The following TM7SF3 variants were observed in gnomAD, a reference collection of about 807,000 sequenced individuals.
TM7SF3 encodes transmembrane 7 superfamily member 3.
A neutral mutation model predicts 65.5 loss-of-function variants in TM7SF3; 60 were observed. The observed-to-expected ratio is 0.92, with a 90% CI of 0.74 to 1.14. The LOEUF (loss-of-function observed/expected upper bound fraction) is 1.14, where lower values mean the gene tolerates loss of function less well. Among genes scored for constraint, TM7SF3 ranks in the 50% most tolerant of loss-of-function variants. The pLI is 0.00. For missense variants in TM7SF3, 623 were observed against 684.8 expected (o/e 0.91, Z 1.01); for synonymous variants, 264 against 259.6 (o/e 1.02, Z -0.16).
At chr12:26,978,450 A>G (rs1480409199) in intron 9 of TM7SF3, 1 of 152,378 alleles carries the variant, frequency 6.6e-6, no homozygotes, top group African/African-American at 2.4e-5. Context: ...TCCTGACTTT[A>G]TAATTTATGC....
chr12:27,000,896 C>T (rs933245857), intron 2 of TM7SF3, among the ~76,000 whole-genome samples: 2 of 152,016 alleles, frequency 1.3e-5, no homozygotes, highest in Non-Finnish European at 2.9e-5. Context: ...TCTCTACCAT[C>T]CCCCACTCCC....
At chr12:26,984,704 C>T (rs1165456656) in intron 6 of TM7SF3, among the ~76,000 whole-genome samples, 1 of 151,968 alleles carries the variant, frequency 6.6e-6, no homozygotes, top group Non-Finnish European at 1.5e-5. Context: ...AACTAAATCC[C>T]CTATCACAAT....
chr12:26,995,360 C>T lies in TM7SF3; in HGVS notation c.567G>A (p.Arg189=), dbSNP rs767330020. 4.3e-6 allele frequency: 7 copies of T among 1,614,078 alleles called. No individual in the cohort carries two copies. The highest frequency in any genetic ancestry group is 1.3e-5 in the African/African-American group (1 of 74,916). ...GATAGACATCATACTGCAACCTCCA[C>T]CTGGAGTCCTGGTCTGTCCCAGCGT... is the stretch of plus-strand genomic sequence containing the variant. ...PCDAGTDQDS[R]WRLQYDVYQY... The change falls in exon 5 of 12, where the codon AGG becomes AGA. Residue 189 remains arginine (R), a synonymous_variant. Coordinates refer to ENST00000343028, the MANE Select transcript of TM7SF3 (RefSeq NM_016551.3).
At chr12:26,974,268 T>C in intron 11 of TM7SF3, 41 bp from the exon 12 acceptor site, 1 of 1,581,112 alleles carries the variant, frequency 6.3e-7, no homozygotes, top group Non-Finnish European at 8.6e-7. Context: ...ACTCTAGTAT[T>C]TTAAAATCTA....
At chr12:26,986,788 C>T (rs1421845655) in intron 6 of TM7SF3, among the ~76,000 whole-genome samples, 3 of 152,328 alleles carry the variant, frequency 2.0e-5, no homozygotes, top group Non-Finnish European at 2.9e-5. Context: ...CCCACCTCTC[C>T]ACTGCAACAG....
At chr12:26,980,268 A>G (rs1440650805) in intron 8 of TM7SF3, 11 of 525,576 alleles carry the variant, frequency 2.1e-5, no homozygotes, top group Non-Finnish European at 3.7e-5. Flanking sequence ...AGAAAACCTC[A>G]ACATTTTGCT....
intron 8 of TM7SF3, chr12:26,980,292 A>T: frequency 1.9e-6 from 1 of 530,438 alleles, no homozygotes; most frequent in Admixed American, 3.6e-5. Flanking sequence ...TGTACATCTC[A>T]TATCTTCAAC....
intron 1 of TM7SF3, among the ~76,000 whole-genome samples, chr12:27,010,836 T>C (rs1941218162): frequency 1.3e-5 from 2 of 152,238 alleles, no homozygotes; most frequent in Non-Finnish European, 2.9e-5. Flanking sequence ...ACTTTTTCTT[T>C]CCAATAATTC....
chr12:27,014,300 G>T lies in TM7SF3; in HGVS notation c.-132C>A. The stretch of plus-strand genomic sequence containing the variant: ...GCGCCATCGCCCGCCAGGTGCAGAC[G>T]CTTCGCACCTGCCAGCTCCGCAGCC... On this transcript the variant is annotated 5_prime_UTR_variant, in exon 1 of 12. Coordinates refer to ENST00000343028, the MANE Select transcript of TM7SF3 (RefSeq NM_016551.3). The T allele has an allele frequency of 1.6e-6, 1 of 644,494 alleles. No homozygotes were observed. The highest frequency in any genetic ancestry group is 2.4e-6 in the Non-Finnish European group (1 of 423,358). 39.9% of individuals were successfully genotyped at this position (644,494 alleles called of 1,614,324 possible). A position where few individuals can be genotyped will look rare whatever the true frequency, so the allele number is the denominator to read the frequency against.
At chr12:26,975,724 C>T (rs1367276279) in intron 10 of TM7SF3, 66 bp from the exon 11 acceptor site, 1 of 1,529,732 alleles carries the variant, frequency 6.5e-7, no homozygotes, top group Non-Finnish European at 8.9e-7. Context: ...TAACTCTCCA[C>T]TGGCTTCAAT....
At chr12:26,976,384 TA>T (rs1466386287) in intron 9 of TM7SF3, 27 bp from the exon 10 acceptor site, 2 of 1,493,378 alleles carry the variant, frequency 1.3e-6, no homozygotes, top group Non-Finnish European at 1.9e-6. Flanking sequence ...AAACTAAGAG[TA>T]AACAACAGCT....
At chr12:26,989,212 G>C (rs949621360) in intron 6 of TM7SF3, among the ~76,000 whole-genome samples, 12 of 152,170 alleles carry the variant, frequency 7.9e-5, no homozygotes, top group Non-Finnish European at 1.8e-4. Flanking sequence ...AAGGCGGGTG[G>C]ATCACTTGAG....
In TM7SF3 at chr12:26,976,653, G is replaced by T. The variant is rs148515717; in HGVS notation, c.1190-296C>A. Among the ~76,000 whole-genome samples the T allele has an allele frequency of 2.0e-3, 306 of 152,302 alleles. 1 individual carries two copies. Among genetic ancestry groups the T allele is most frequent in the African/African-American group, 6.8e-3 (284 of 41,554 alleles). On this transcript the variant is annotated intron_variant, in intron 9 of 11. Coordinates refer to ENST00000343028, the MANE Select transcript of TM7SF3 (RefSeq NM_016551.3). ...AAGCTCTTCCATTCACTAGCTCTGT[G>T]AACTTGAGCCTCAGTTTCCTAACCC...
At chr12:26,983,003 T>A (rs1036059996) in intron 6 of TM7SF3, 144 bp from the exon 7 acceptor site, 2 of 587,974 alleles carry the variant, frequency 3.4e-6, no homozygotes, top group African/African-American at 3.8e-5. Context: ...ATCTTTAAAA[T>A]ACTCTTGCCA....
intron 6 of TM7SF3, among the ~76,000 whole-genome samples, chr12:26,987,840 A>G (rs1295266048): frequency 6.6e-6 from 1 of 152,204 alleles, no homozygotes; most frequent in Non-Finnish European, 1.5e-5. Flanking sequence ...CAAGACACCA[A>G]TAACCAAGTC....
chr12:26,975,606 A>G lies in TM7SF3; in HGVS notation c.1340T>C (p.Ile447Thr). Reference protein sequence around the residue: ...VIGSYSVVLAIDSYWSTSLSY... With the variant: ...VIGSYSVVLATDSYWSTSLSY... The stretch of plus-strand genomic sequence containing the variant: ...AAGGCTTGTGGACCAGTAACTGTCA[A>G]TGGCTAAAACCACCGAATAGGAGCC... Residue 447 changes from isoleucine to threonine, a missense_variant, in exon 11 of 12, where the codon ATT (isoleucine) becomes ACT (threonine). Ile to Thr is a moderately conservative substitution (Grantham distance 89). Transcript: ENST00000343028. The G allele has an allele frequency of 8.7e-6, 14 of 1,614,112 alleles. No homozygotes were observed. The highest frequency in any genetic ancestry group is 1.1e-5 in the Non-Finnish European group (13 of 1,179,988).
At chr12:26,980,760 T>C in intron 7 of TM7SF3, 114 bp from the exon 8 acceptor site, 2 of 568,028 alleles carry the variant, frequency 3.5e-6, no homozygotes. Flanking sequence ...CTTAAGCTCC[T>C]GGAATTTACA....
intron 9 of TM7SF3, chr12:26,977,964 C>A: frequency 3.5e-6 from 1 of 286,530 alleles, no homozygotes; most frequent in Non-Finnish European, 7.0e-6. Flanking sequence ...GGCATGGCAG[C>A]ACACACCTGT....
chr12:26,980,051 G>GA, intron 8 of TM7SF3, 115 bp from the exon 9 acceptor site: 4 of 1,272,468 alleles, frequency 3.1e-6, no homozygotes, highest in Non-Finnish European at 4.4e-6. Flanking sequence ...GTCAGGCACT[G>GA]AGGGCTCTTC....
Sources: gnomAD v4.1 joint callset for allele counts (sites outside exome capture counted in the v4.1 genomes callset) on GRCh38, gnomAD v4.1.1 for gene constraint, MANE v1.5 for transcripts, NCBI Gene and HGNC (gene_info 2026-07-23, HGNC 2026-07-21) for gene names.